Variants in MAOB observed in about 807,000 individuals in gnomAD.
MAOB encodes the protein amine oxidase [flavin-containing] B.
In MAOB, 15 loss-of-function variants were observed where a neutral mutation model predicts 41.9. The ratio of observed to expected loss-of-function variants is 0.36; its 90% confidence interval spans 0.24 to 0.55. MAOB has a LOEUF of 0.55. Among genes scored for constraint, MAOB ranks in the 20% least tolerant of loss-of-function variants. The probability of loss-of-function intolerance (pLI) is 0.86; values close to 1 mark genes in which losing one functional copy is unlikely to be tolerated. For synonymous variants in MAOB, 167 were observed against 144.2 expected (o/e 1.16, Z -1.13); for missense variants, 345 against 398.7 (o/e 0.87, Z 1.15).
At chrX:43,846,220 G>A (rs982130356) in intron 1 of MAOB, among the ~76,000 whole-genome samples, 2 of 112,223 alleles carry the variant, frequency 1.8e-5, no homozygotes, top group African/African-American at 6.5e-5. Flanking sequence ...AGCATGCTGA[G>A]GCTTAAACAA....
rs1248042630 is a variant in MAOB at position 43,769,728 on chromosome X, C to T, written c.1236-310G>A. Among the ~76,000 whole-genome samples, 3 of 111,637 alleles carry T rather than the reference C, an allele frequency of 2.7e-5. No homozygotes were observed. In the East Asian group the frequency reaches 8.5e-4, roughly 32 times the overall value. ...GGACTGTGTAAGCCCAGTCACATGGCTCCCTTTATGGCTCACTGGCTCTGT... is the reference window on the plus strand; with the variant it reads ...GGACTGTGTAAGCCCAGTCACATGGTTCCCTTTATGGCTCACTGGCTCTGT... On this transcript the variant is annotated intron_variant, in intron 12 of 14. Transcript: ENST00000378069.
chrX:43,789,514 A>G, intron 8 of MAOB, among the ~76,000 whole-genome samples: 1 of 112,417 alleles, frequency 8.9e-6, no homozygotes, highest in East Asian at 2.8e-4. Context: ...TAGATGAACA[A>G]AAGCAAGGAG....
chrX:43,841,593 C>G (rs1200556384), intron 2 of MAOB, among the ~76,000 whole-genome samples: 3 of 111,852 alleles, frequency 2.7e-5, no homozygotes, highest in Non-Finnish European at 5.6e-5. Flanking sequence ...AAGACTACAA[C>G]TAGCCAAAAC....
intron 1 of MAOB, among the ~76,000 whole-genome samples, chrX:43,847,478 T>C (rs1040167463): frequency 8.9e-6 from 1 of 111,924 alleles, no homozygotes; most frequent in Non-Finnish European, 1.9e-5. Flanking sequence ...GGAATATTAT[T>C]ATCCTCATTT....
At chrX:43,828,632 T>C (rs1254849095) in intron 3 of MAOB, among the ~76,000 whole-genome samples, 1 of 111,796 alleles carries the variant, frequency 8.9e-6, no homozygotes, top group Non-Finnish European at 1.9e-5. Flanking sequence ...CTCAGCACCC[T>C]TATCCTTTTC....
At chrX:43,786,346 G>T (rs189487771) in intron 8 of MAOB, among the ~76,000 whole-genome samples, 56 of 111,566 alleles carry the variant, frequency 5.0e-4, no homozygotes, top group African/African-American at 1.7e-3. Flanking sequence ...ACAGAGAAAG[G>T]ACCTCCCCAA....
At chrX:43,777,873 A>G (rs1173746451) in intron 11 of MAOB, among the ~76,000 whole-genome samples, 1 of 112,141 alleles carries the variant, frequency 8.9e-6, no homozygotes, top group East Asian at 2.8e-4. Flanking sequence ...TCAAAACATT[A>G]AAAACTTAGC....
chrX:43,878,408 T>TTGTGTGTG (rs66511222), intron 1 of MAOB, among the ~76,000 whole-genome samples: 85 of 88,874 alleles, frequency 9.6e-4, no homozygotes, highest in African/African-American at 2.9e-3. Flanking sequence ...TACCCAGCCT[T>TTGTGTGTG]TGTGTGTGTG....
intron 3 of MAOB, among the ~76,000 whole-genome samples, chrX:43,830,994 AGTGTGTGT>A (rs56322068): frequency 0.029 from 2,808 of 95,750 alleles, 101 homozygotes; most frequent in African/African-American, 0.099. Flanking sequence ...TCAATGATTA[AGTGTGTGT>A]GTGTGTGTGT....
chrX:43,874,628 C>T (rs2035429045), intron 1 of MAOB, among the ~76,000 whole-genome samples: 1 of 111,368 alleles, frequency 9.0e-6, no homozygotes, highest in African/African-American at 3.3e-5. Context: ...CATGTCTCCC[C>T]TTCCTTTTAT....
intron 3 of MAOB, among the ~76,000 whole-genome samples, chrX:43,835,199 TAAG>T (rs1018695745): frequency 8.9e-6 from 1 of 112,462 alleles, no homozygotes; most frequent in Non-Finnish European, 1.9e-5. Context: ...CAGGATTCCT[TAAG>T]AAGTTTTTGT....
At chrX:43,786,249 T>G (rs2034396749) in intron 8 of MAOB, among the ~76,000 whole-genome samples, 1 of 111,720 alleles carries the variant, frequency 9.0e-6, no homozygotes, top group Non-Finnish European at 1.9e-5. Context: ...AAAATTGAGG[T>G]TGTTTGAACA....
chrX:43,767,437 G>C lies in MAOB; in HGVS notation c.*29C>G. The C allele has an allele frequency of 1.7e-6, 2 of 1,186,342 alleles. No homozygotes were observed. The highest frequency in any genetic ancestry group is 2.8e-4 in the Middle Eastern group (1 of 3,534). On this transcript the variant is annotated 3_prime_UTR_variant, in exon 15 of 15. Coordinates refer to ENST00000378069, the MANE Select transcript of MAOB (RefSeq NM_000898.5). ...ACTCATATCCCAAATACAGTAAGAA[G>C]AGAGTGTGATTACAGACACCCTCTC... is the stretch of plus-strand genomic sequence containing the variant.
chrX:43,867,552 G>A (rs866680173), intron 1 of MAOB, among the ~76,000 whole-genome samples: 53 of 112,324 alleles, frequency 4.7e-4, no homozygotes, highest in African/African-American at 1.6e-3. Flanking sequence ...TATGAGATAA[G>A]TGTTTCCACT....
At chrX:43,842,611 A>T (rs2035150380) in intron 2 of MAOB, among the ~76,000 whole-genome samples, 2 of 112,471 alleles carry the variant, frequency 1.8e-5, no homozygotes, top group South Asian at 7.4e-4. Context: ...TGTCAAAGAG[A>T]TATCTGCACA....
intron 3 of MAOB, 41 bp downstream of exon 3, chrX:43,838,827 A>G: frequency 8.9e-7 from 1 of 1,129,022 alleles, no homozygotes; most frequent in African/African-American, 1.8e-5. Context: ...GAAACATCAT[A>G]GAGAAGTTTT....
chrX:43,826,112 T>G (rs772994339), intron 3 of MAOB, among the ~76,000 whole-genome samples: 40 of 112,211 alleles, frequency 3.6e-4, no homozygotes, highest in Non-Finnish European at 6.4e-4. Context: ...AGAGCAGGGA[T>G]TTTTGTATGT....
At chrX:43,864,265 T>A (rs1415116357) in intron 1 of MAOB, among the ~76,000 whole-genome samples, 1 of 111,769 alleles carries the variant, frequency 8.9e-6, no homozygotes, top group Non-Finnish European at 1.9e-5. Flanking sequence ...AGCATTTTGT[T>A]TATTTTATAA....
intron 3 of MAOB, among the ~76,000 whole-genome samples, chrX:43,829,509 GTC>G (rs2034990537): frequency 8.9e-6 from 1 of 112,288 alleles, no homozygotes; most frequent in Admixed American, 9.5e-5. Context: ...TCTTAGGGTA[GTC>G]TCTCTGACCA....
Sources: gnomAD v4.1 joint callset for allele counts (sites outside exome capture counted in the v4.1 genomes callset) on GRCh38, gnomAD v4.1.1 for gene constraint, MANE v1.5 for transcripts, NCBI Gene and HGNC (gene_info 2026-07-23, HGNC 2026-07-21) for gene names.